MARCHF1: variants seen among roughly 807,000 people sequenced by gnomAD.
MARCHF1 encodes E3 ubiquitin-protein ligase MARCHF1.
A neutral mutation model predicts 54.2 loss-of-function variants in MARCHF1; 40 were observed. The observed-to-expected ratio is 0.74, with a 90% CI of 0.57 to 0.96. MARCHF1 has a LOEUF of 0.96. Ranked by LOEUF, MARCHF1 falls within the 40% of genes least tolerant of loss-of-function variation. The pLI is 0.00. For missense variants in MARCHF1, 586 were observed against 656.5 expected (o/e 0.89, Z 1.17); for synonymous variants, 236 against 236.3 (o/e 1.00, Z 0.01).
intron 1 of MARCHF1, among the ~76,000 whole-genome samples, chr4:164,165,211 A>T (rs1002274536): frequency 2.0e-5 from 3 of 152,084 alleles, no homozygotes; most frequent in Non-Finnish European, 4.4e-5. Context: ...TATTTGTAAC[A>T]TAAGTTGAAG....
chr4:164,197,214 C>G, intron 1 of MARCHF1: 12 of 1,610,276 alleles, frequency 7.5e-6, no homozygotes, highest in Non-Finnish European at 1.0e-5. Flanking sequence ...CACCCTCCTC[C>G]TCGTCATCCA....
rs558157228 is a variant in MARCHF1 at position 163,600,306 on chromosome 4, G to A, written c.1010+11965C>T. On this transcript the variant is annotated intron_variant, in intron 7 of 9. Coordinates refer to ENST00000514618, the MANE Select transcript of MARCHF1 (RefSeq NM_001394959.1). ...TAAAAATCAGTGGTTCTCAGCTTTCGGTTGCTCATTAAATTATCTGGCATG... is the reference window on the plus strand; with the variant it reads ...TAAAAATCAGTGGTTCTCAGCTTTCAGTTGCTCATTAAATTATCTGGCATG... Among the ~76,000 whole-genome samples, 9 of 151,990 alleles carry A rather than the reference G, an allele frequency of 5.9e-5. No individual in the cohort carries two copies. The South Asian group carries it at 1.7e-3, about 28-fold the overall frequency.
intron 1 of MARCHF1, among the ~76,000 whole-genome samples, chr4:164,229,185 G>T (rs764286722): frequency 1.3e-5 from 2 of 152,196 alleles, no homozygotes; most frequent in Non-Finnish European, 2.9e-5. Context: ...AAGAAGCAAA[G>T]CCTGATTACC....
chr4:163,941,063 C>A (rs964910620), intron 3 of MARCHF1, among the ~76,000 whole-genome samples: 2 of 152,088 alleles, frequency 1.3e-5, no homozygotes, highest in East Asian at 3.9e-4. Context: ...TTAAATAGCA[C>A]CCTGCTTAAA....
chr4:163,929,933 T>G (rs1409754775), intron 3 of MARCHF1, among the ~76,000 whole-genome samples: 11 of 58,970 alleles, frequency 1.9e-4, no homozygotes, highest in African/African-American at 3.8e-4. Flanking sequence ...ATATAATATA[T>G]TATATATTTA....
intron 4 of MARCHF1, among the ~76,000 whole-genome samples, chr4:163,706,226 G>A (rs966058904): frequency 6.6e-6 from 1 of 151,870 alleles, no homozygotes; most frequent in Non-Finnish European, 1.5e-5. Context: ...TTTTCCTACT[G>A]CTCTATGCTG....
chr4:164,266,597 C>T (rs1253568905), intron 1 of MARCHF1, among the ~76,000 whole-genome samples: 5 of 152,120 alleles, frequency 3.3e-5, no homozygotes, highest in Non-Finnish European at 7.4e-5. Flanking sequence ...TGTGATTTTT[C>T]AGGTTCACTT....
At chr4:164,111,103 A>G (rs1373803651) in intron 2 of MARCHF1, among the ~76,000 whole-genome samples, 1 of 151,886 alleles carries the variant, frequency 6.6e-6, no homozygotes, top group Non-Finnish European at 1.5e-5. Flanking sequence ...TATAGTGCAT[A>G]TCTCATCATG....
intron 1 of MARCHF1, among the ~76,000 whole-genome samples, chr4:164,277,319 A>G (rs1733913197): frequency 6.6e-6 from 1 of 152,230 alleles, no homozygotes; most frequent in Non-Finnish European, 1.5e-5. Context: ...AAGTGAAGTA[A>G]TAAATTCAAT....
At chr4:164,125,187 C>T (rs1034956008) in intron 1 of MARCHF1, among the ~76,000 whole-genome samples, 5 of 152,054 alleles carry the variant, frequency 3.3e-5, no homozygotes, top group African/African-American at 1.2e-4. Flanking sequence ...GCCTCAATAT[C>T]AGGAAATTGA....
rs759643413 is a variant in MARCHF1, at chr4:163,545,597, A to G, written c.1338T>C (p.Asn446=). ...GTAAGAAGAAAGATGTGCTCTTACC[A>G]TTGTCATTGCCTTGCTTGATTTCCT... ...TAEEIKQGND[N]GVLEWPFWTK... Residue 446 remains asparagine, a splice_region_variant and synonymous_variant, in exon 9 of 10, where the codon AAT becomes AAC. Transcript: ENST00000514618. The G allele has an allele frequency of 1.8e-5, 29 of 1,612,844 alleles. No homozygotes were observed. Among genetic ancestry groups the G allele is most frequent in the Non-Finnish European group, 2.4e-5 (28 of 1,179,514 alleles).
chr4:163,564,383 G>A (rs1397610715), intron 8 of MARCHF1, among the ~76,000 whole-genome samples: 1 of 152,132 alleles, frequency 6.6e-6, no homozygotes, highest in Admixed American at 6.5e-5. Flanking sequence ...TTGATTTATT[G>A]AAATAAGAAT....
intron 5 of MARCHF1, among the ~76,000 whole-genome samples, chr4:163,643,158 CAAAAA>C (rs34228966): frequency 9.6e-6 from 1 of 104,160 alleles, no homozygotes; most frequent in African/African-American, 3.6e-5. Context: ...ACTATAAATA[CAAAAA>C]AAAAAAAAAA....
chr4:164,235,053 ATC>A (rs1732509448), intron 1 of MARCHF1: 1 of 151,940 alleles, frequency 6.6e-6, no homozygotes. Context: ...CTTCCTTTAC[ATC>A]TCTTTCTCCT....
At chr4:164,352,255 A>G (rs935217876) in intron 1 of MARCHF1, among the ~76,000 whole-genome samples, 2 of 108,900 alleles carry the variant, frequency 1.8e-5, no homozygotes, top group African/African-American at 6.1e-5. Flanking sequence ...CAGGAAATAC[A>G]GAGAACGCCA....
chr4:163,756,871 T>C (rs1347522737), intron 4 of MARCHF1, among the ~76,000 whole-genome samples: 1 of 151,872 alleles, frequency 6.6e-6, no homozygotes, highest in African/African-American at 2.4e-5. Context: ...AGCAGAAATA[T>C]CTCAAATGAA....
chr4:164,309,475 T>G (rs1243604228), intron 1 of MARCHF1, among the ~76,000 whole-genome samples: 3 of 152,074 alleles, frequency 2.0e-5, no homozygotes, highest in Non-Finnish European at 2.9e-5. Flanking sequence ...TCTCTAGATC[T>G]AGTACAACTA....
intron 1 of MARCHF1, among the ~76,000 whole-genome samples, chr4:164,117,685 A>T (rs2017427): frequency 6.6e-6 from 1 of 151,968 alleles, no homozygotes; most frequent in South Asian, 2.1e-4. Flanking sequence ...AGATCACTTG[A>T]GGTCAGGAGT....
chr4:164,150,859 T>C (rs1020372666), intron 1 of MARCHF1, among the ~76,000 whole-genome samples: 16 of 152,182 alleles, frequency 1.1e-4, no homozygotes, highest in African/African-American at 3.1e-4. Flanking sequence ...GGGTAGCAAA[T>C]AGAATTATGG....
Sources: allele counts gnomAD v4.1 joint callset (sites outside exome capture counted in the v4.1 genomes callset), GRCh38; gene constraint gnomAD v4.1.1; transcripts MANE v1.5; gene names NCBI Gene and HGNC (gene_info 2026-07-23, HGNC 2026-07-21).